PDE10A: variants seen among roughly 807,000 people sequenced by gnomAD.
PDE10A encodes the protein cAMP and cAMP-inhibited cGMP 3',5'-cyclic phosphodiesterase 10A.
A neutral mutation model predicts 97.7 loss-of-function variants in PDE10A; 39 were observed. The ratio of observed to expected loss-of-function variants is 0.40; its 90% CI spans 0.31 to 0.52. The LOEUF (loss-of-function observed/expected upper bound fraction) is 0.52. PDE10A is among the 20% of genes least tolerant of loss of function. The probability of loss-of-function intolerance (pLI) is 0.56; values close to 1 mark genes in which losing one functional copy is unlikely to be tolerated. For synonymous variants in PDE10A, 371 were observed against 376.8 expected (o/e 0.98, Z 0.18); for missense variants, 731 against 1,047.8 (o/e 0.70, Z 4.17).
intron 1 of PDE10A, among the ~76,000 whole-genome samples, chr6:165,868,275 C>A (rs1035156331): frequency 4.6e-5 from 7 of 151,958 alleles, no homozygotes; most frequent in African/African-American, 1.7e-4. Context: ...GCTAGCTAGA[C>A]TAAGCAAGAA....
chr6:165,816,806 T>C (rs565525293), intron 1 of PDE10A, among the ~76,000 whole-genome samples: 1 of 151,970 alleles, frequency 6.6e-6, no homozygotes, highest in South Asian at 2.1e-4. Context: ...GGGAAATGGG[T>C]TCCGGAGGGG....
intron 1 of PDE10A, among the ~76,000 whole-genome samples, chr6:165,700,859 T>C (rs1358525838): frequency 3.3e-5 from 5 of 152,198 alleles, no homozygotes; most frequent in Admixed American, 6.5e-5. Flanking sequence ...CGGGTGATTT[T>C]ATAGGTACCA....
chr6:165,763,829 G>A (rs1310053677), intron 1 of PDE10A, among the ~76,000 whole-genome samples: 2 of 152,196 alleles, frequency 1.3e-5, no homozygotes, highest in African/African-American at 2.4e-5. Context: ...GAAGCTTTTT[G>A]TACAGAGTAA....
intron 1 of PDE10A, among the ~76,000 whole-genome samples, chr6:165,738,187 A>G (rs1299948842): frequency 8.7e-6 from 1 of 115,484 alleles, no homozygotes; most frequent in African/African-American, 3.4e-5. Context: ...AACAGTCCCC[A>G]GAGTGTGATG....
intron 1 of PDE10A, among the ~76,000 whole-genome samples, chr6:165,769,076 C>T (rs1583062203): frequency 6.6e-6 from 1 of 152,162 alleles, no homozygotes; most frequent in Non-Finnish European, 1.5e-5. Context: ...AGAAGCTTTT[C>T]CATTTCAACT....
chr6:165,500,872 G>C (rs585208), intron 2 of PDE10A, among the ~76,000 whole-genome samples: 27,793 of 152,088 alleles, frequency 0.18, 3,368 homozygotes, highest in African/African-American at 0.33. Flanking sequence ...GAGACATGCT[G>C]AAGGCAATAC....
intron 3 of PDE10A, among the ~76,000 whole-genome samples, chr6:165,459,912 A>G (rs182014924): frequency 4.6e-5 from 7 of 152,366 alleles, no homozygotes; most frequent in Non-Finnish European, 8.8e-5. Context: ...AGATAGGGGA[A>G]AAAAGAAAAC....
intron 2 of PDE10A, among the ~76,000 whole-genome samples, chr6:165,511,962 G>A (rs1226469450): frequency 1.3e-5 from 2 of 151,804 alleles, no homozygotes; most frequent in Non-Finnish European, 2.9e-5. Flanking sequence ...ATTTTGTTTT[G>A]TTTTGTTTTC....
intron 13 of PDE10A, among the ~76,000 whole-genome samples, chr6:165,413,183 A>G (rs1788023916): frequency 1.3e-5 from 2 of 152,220 alleles, no homozygotes; most frequent in Admixed American, 1.3e-4. Flanking sequence ...AGGTTTAGGT[A>G]GCATTTTCTT....
chr6:165,717,376 A>C (rs1157939236), intron 1 of PDE10A, among the ~76,000 whole-genome samples: 1 of 152,174 alleles, frequency 6.6e-6, no homozygotes. Context: ...GATCACCTGA[A>C]GTCAGGAGTT....
In PDE10A at chr6:165,826,158, A is replaced by G. The variant is rs967569283; in HGVS notation, c.-615+161371T>C. Among the ~76,000 whole-genome samples the G allele has an allele frequency of 2.0e-5, 3 of 152,164 alleles. No homozygotes were observed. The East Asian group carries it at 5.8e-4, about 29-fold the overall frequency. ...GTGGGATTGTATTTCTTGATCACAG[A>G]GTTGACACAATGTCCTTGCCTTTTA... On this transcript the variant is annotated intron_variant, in intron 1 of 19. Transcript: ENST00000366882.
Position 165,396,395 on chromosome 6 carries a change from T to C in PDE10A, c.2141A>G (p.His714Arg), listed in dbSNP as rs1176946309. ...YRVTMEKLSYHSICTSEEWQG... is the reference protein window; with the variant it reads ...YRVTMEKLSYRSICTSEEWQG... ...CCACTCTTCTGAAGTACAAATGCTA[T>C]GGTAGGACAGCTTTTCCATCGTTAC... Residue 714 changes from histidine (H) to arginine (R), a missense_variant, in exon 14 of 22, where the codon CAT (histidine) becomes CGT (arginine). Around this residue, in one of 8 missense-constraint regions of PDE10A, gnomAD observed 131 missense variants for 187.4 expected, o/e 0.70. Coordinates refer to ENST00000539869, the MANE Select transcript of PDE10A (RefSeq NM_001385079.1). 6.2e-7 allele frequency: 1 copy of C among 1,613,370 alleles called. No individual in the cohort carries two copies.
intron 1 of PDE10A, among the ~76,000 whole-genome samples, chr6:165,960,616 G>A (rs1784326538): frequency 6.6e-6 from 1 of 152,216 alleles, no homozygotes; most frequent in Admixed American, 6.5e-5. Context: ...AAGGGTTGTA[G>A]AATCGAGAGA....
In PDE10A at chr6:165,595,013, C is replaced by T. The variant is rs141831422; in HGVS notation, c.866-51445G>A. ...CAGAGAAGTAACTTTGTCAAAGTCA[C>T]GTATCTAGTGACTGGCAAAGCTGGA... On this transcript the variant is annotated intron_variant, in intron 1 of 21. Transcript: ENST00000539869. Among the ~76,000 whole-genome samples the T allele has an allele frequency of 1.8e-4, 27 of 152,306 alleles. 1 individual carries two copies. The highest frequency in any genetic ancestry group is 5.8e-4 in the African/African-American group (24 of 41,558).
intron 1 of PDE10A, among the ~76,000 whole-genome samples, chr6:165,774,422 C>G (rs1778103323): frequency 6.7e-6 from 1 of 148,594 alleles, no homozygotes; most frequent in South Asian, 2.1e-4. Context: ...CTGAATATTG[C>G]TCTTGAATAT....
intron 1 of PDE10A, among the ~76,000 whole-genome samples, chr6:165,571,598 C>T (rs11969243): frequency 0.17 from 26,443 of 152,182 alleles, 3,948 homozygotes; most frequent in African/African-American, 0.39. Context: ...TTTGTGACCT[C>T]AGCCACTTTC....
At chr6:165,880,494 G>A (rs1272932334) in intron 1 of PDE10A, among the ~76,000 whole-genome samples, 1 of 152,174 alleles carries the variant, frequency 6.6e-6, no homozygotes, top group African/African-American at 2.4e-5. Flanking sequence ...GCCAGATGCT[G>A]GATGCAGAGA....
chr6:165,737,276 C>T (rs139008727), intron 1 of PDE10A, among the ~76,000 whole-genome samples: 3 of 152,296 alleles, frequency 2.0e-5, no homozygotes, highest in African/African-American at 7.2e-5. Flanking sequence ...AGGAACACTT[C>T]CAAACTCATT....
intron 18 of PDE10A, among the ~76,000 whole-genome samples, chr6:165,358,234 A>T (rs1378397343): frequency 1.3e-5 from 2 of 152,010 alleles, no homozygotes; most frequent in East Asian, 3.9e-4. Flanking sequence ...TGTCGTTTAG[A>T]TCTCTGTTAG....
Sources: allele counts gnomAD v4.1 joint callset (sites outside exome capture counted in the v4.1 genomes callset), GRCh38; gene constraint gnomAD v4.1.1; regional missense constraint gnomAD v4.1.1; transcripts MANE v1.5; gene names NCBI Gene and HGNC (gene_info 2026-07-23, HGNC 2026-07-21).